The following ABHD11 variants were observed in gnomAD, a reference collection of about 807,000 sequenced individuals.
ABHD11 encodes sn-1-specific diacylglycerol lipase ABHD11.
A neutral mutation model predicts 29.0 loss-of-function variants in ABHD11; 26 were observed. The observed-to-expected ratio is 0.90, with a 90% CI of 0.66 to 1.24. ABHD11 has a LOEUF of 1.24. ABHD11 is among the 50% of genes most tolerant of loss of function. ABHD11 has a pLI of 0.00. For missense variants in ABHD11, 381 were observed against 422.4 expected, an observed-to-expected ratio of 0.90 and a Z score of 0.86; for synonymous variants, 169 against 166.4, an observed-to-expected ratio of 1.02 and a Z score of -0.12.
intron 4 of ABHD11, 23 bp downstream of exon 4, chr7:73,737,198 C>A (rs372134625): frequency 4.0e-5 from 64 of 1,613,792 alleles, no homozygotes; most frequent in Non-Finnish European, 5.4e-5. Flanking sequence ...ACAATACCAT[C>A]CGGGGCACCT....
At position 73,738,728 on chromosome 7, in the gene ABHD11, G is replaced by C. The variant is rs781797597; in HGVS notation, c.43C>G (p.Leu15Val). ...TRAWRLPREG[L>V]GPHGPSFARV... Reference sequence around the variant, plus strand: ...GCGAAGCTAGGGCCGTGGGGGCCGAGTCCCTCACGCGGGAGCCTCCAGGCT... The same window carrying C: ...GCGAAGCTAGGGCCGTGGGGGCCGACTCCCTCACGCGGGAGCCTCCAGGCT... The change falls in exon 1 of 6, where the codon CTC becomes GTC. Residue 15 changes from leucine to valine, a missense_variant. Coordinates refer to ENST00000222800, the MANE Select transcript of ABHD11 (RefSeq NM_148912.4). 8.1e-6 allele frequency: 13 copies of C among 1,609,498 alleles called. No homozygotes were observed. In the South Asian group the frequency reaches 1.3e-4, roughly 16 times the overall value.
chr7:73,738,801 A>G lies in ABHD11; in HGVS notation c.-31T>C, dbSNP rs1800278452. 6.3e-6 allele frequency: 10 copies of G among 1,581,618 alleles called. No individual in the cohort carries two copies. Among genetic ancestry groups the G allele is most frequent in the Non-Finnish European group, 7.7e-6 (9 of 1,163,366 alleles). ...CAAGCTGTTGGCCGGCTCGCATCTC[A>G]CAAGGTACGTCCTCCCCGCGCTCCT... On this transcript the variant is annotated 5_prime_UTR_variant, in exon 1 of 6. Transcript: ENST00000222800.
chr7:73,738,299 A>G (rs1229873885), intron 2 of ABHD11, 29 bp downstream of exon 2: 2 of 496,562 alleles, frequency 4.0e-6, no homozygotes, highest in Admixed American at 2.8e-5. Flanking sequence ...GCCCAGCCCC[A>G]AAGGAGCCCC....
At chr7:73,738,512 A>T (rs1320244699) in intron 1 of ABHD11, 49 bp from the exon 2 acceptor site, 10 of 1,586,444 alleles carry the variant, frequency 6.3e-6, no homozygotes, top group Non-Finnish European at 8.6e-6. Context: ...GGAGACGGGG[A>T]AAGGGGTAGG....
Position 73,738,621 on chromosome 7 carries a change from C to T in ABHD11, c.125+25G>A, listed in dbSNP as rs543085440. The stretch of plus-strand genomic sequence containing the variant: ...CAGGAAAAGGAGGACAGAGGATGGC[C>T]TCCCGCCCGGTGCCCTTGACTGACC... On this transcript the variant is annotated intron_variant, in intron 1 of 5. Coordinates refer to ENST00000222800, the MANE Select transcript of ABHD11 (RefSeq NM_148912.4). 21 of 1,582,872 alleles carry T rather than the reference C, an allele frequency of 1.3e-5. No individual in the cohort carries two copies. In the East Asian group the frequency reaches 2.1e-4, roughly 16 times the overall value.
chr7:73,738,301 A>G, intron 2 of ABHD11, 27 bp downstream of exon 2: 2 of 1,596,058 alleles, frequency 1.3e-6, no homozygotes, highest in Non-Finnish European at 1.7e-6. Flanking sequence ...CCAGCCCCAA[A>G]GGAGCCCCGC....
Position 73,737,605 on chromosome 7 carries a change from T to C in ABHD11, c.392A>G (p.His131Arg). ...LGLVPCVVVG[H>R]SMGGKTAMLL... ...CATGGCTGTCTTTCCTCCCATGCTG[T>C]GGCCAACGACGACGCAGGGCACCAG... is the stretch of plus-strand genomic sequence containing the variant. The change falls in exon 3 of 6, where the codon CAC (histidine) becomes CGC (arginine). Residue 131 changes from histidine (H) to arginine (R), a missense_variant. Coordinates refer to ENST00000222800, the MANE Select transcript of ABHD11 (RefSeq NM_148912.4). The C allele has an allele frequency of 6.2e-7, 1 of 1,613,576 alleles. No homozygotes were observed. The highest frequency in any genetic ancestry group is 8.5e-7 in the Non-Finnish European group (1 of 1,179,750).
At position 73,736,574 on chromosome 7, in the gene ABHD11, T is replaced by A; in HGVS notation, c.906A>T (p.Arg302=). 1 of 1,613,892 alleles carries A rather than the reference T, an allele frequency of 6.2e-7. No individual in the cohort carries two copies. Among genetic ancestry groups the A allele is most frequent in the Non-Finnish European group, 8.5e-7 (1 of 1,180,010 alleles). Residue 302 remains arginine (R), a synonymous_variant, in exon 6 of 6, where the codon CGA becomes CGT. Transcript: ENST00000222800. ...DRPQDFIAAI[R]GFLV ...CCAGCAACTCTTAGACCAGGAAGCCTCGGATGGCAGCTATGAAGTCCTGTG... is the reference window on the plus strand; with the variant it reads ...CCAGCAACTCTTAGACCAGGAAGCCACGGATGGCAGCTATGAAGTCCTGTG...
At position 73,737,247 on chromosome 7, in the gene ABHD11, C is replaced by T. The variant is rs935065963; in HGVS notation, c.580G>A (p.Asp194Asn). 3 of 1,614,034 alleles carry T rather than the reference C, an allele frequency of 1.9e-6. No homozygotes were observed. Among genetic ancestry groups the T allele is most frequent in the African/African-American group, 1.3e-5 (1 of 74,930 alleles). ...LPRSRARKLA[D>N]EQLSSVIQDM... The stretch of plus-strand genomic sequence containing the variant: ...TGGATGACAGAACTGAGCTGTTCAT[C>T]CGCCAGTTTTCGGGCACGGGAGCGG... The change falls in exon 4 of 6, where the codon GAT (aspartate) becomes AAT (asparagine). Residue 194 changes from aspartate to asparagine, a missense_variant. Transcript: ENST00000222800.
At chr7:73,737,870 C>T (rs150951345) in intron 2 of ABHD11, 135 bp from the exon 3 acceptor site, 191 of 1,351,934 alleles carry the variant, frequency 1.4e-4, no homozygotes, top group Non-Finnish European at 1.8e-4. Context: ...GGCCCAGTTT[C>T]CAGACCTAGG....
intron 2 of ABHD11, 133 bp downstream of exon 2, chr7:73,738,195 G>C (rs561647654): frequency 7.3e-7 from 1 of 1,373,098 alleles, no homozygotes; most frequent in African/African-American, 1.4e-5. Context: ...TGGGGTTGCC[G>C]TTCAGGGTCC....
At position 73,737,647 on chromosome 7, in the gene ABHD11, A is replaced by G; in HGVS notation, c.350T>C (p.Leu117Pro). ...YEIMSQDLQD[L>P]LPQLGLVPCV... ...GGGCACCAGGCCCAGCTGGGGCAGA[A>G]GGTCCTGCAGGTCCTGGCTCATGAT... is the stretch of plus-strand genomic sequence containing the variant. The change falls in exon 3 of 6, where the codon CTT (leucine) becomes CCT (proline). Residue 117 changes from leucine (L) to proline (P), a missense_variant. Transcript: ENST00000222800. 6.2e-7 allele frequency: 1 copy of G among 1,613,694 alleles called. No individual in the cohort carries two copies. The highest frequency in any genetic ancestry group is 8.5e-7 in the Non-Finnish European group (1 of 1,179,958).
At chr7:73,738,569 G>C (rs1013912825) in intron 1 of ABHD11, 77 bp downstream of exon 1, 54 of 1,564,576 alleles carry the variant, frequency 3.5e-5, no homozygotes, top group Non-Finnish European at 8.7e-7. Flanking sequence ...AGGCCCAAAG[G>C]GAGGAGATGG....
Position 73,736,144 on chromosome 7 carries a change from T to C in ABHD11, c.*415A>G. 1 of 457,438 alleles carries C rather than the reference T, an allele frequency of 2.2e-6. No homozygotes were observed. The highest frequency in any genetic ancestry group is 4.4e-6 in the Non-Finnish European group (1 of 227,436). 28.3% of individuals were successfully genotyped at this position (457,438 alleles called of 1,614,324 possible). A position where few individuals can be genotyped will look rare whatever the true frequency, so the allele number is the denominator to read the frequency against. On this transcript the variant is annotated 3_prime_UTR_variant, in exon 6 of 6. Coordinates refer to ENST00000222800, the MANE Select transcript of ABHD11 (RefSeq NM_148912.4). ...AAAGCCTGAGGTCTGACCACCCCTG[T>C]AAAACCTCGTGCCCACACAGTGCCT... is the stretch of plus-strand genomic sequence containing the variant.
chr7:73,738,405 A>C lies in ABHD11; in HGVS notation c.184T>G (p.Phe62Val), dbSNP rs1800181663. 4 of 1,612,544 alleles carry C rather than the reference A, an allele frequency of 2.5e-6. No individual in the cohort carries two copies. Among genetic ancestry groups the C allele is most frequent in the Admixed American group, 1.7e-5 (1 of 59,728 alleles). ...DGEAALPAVV[F>V]LHGLFGSKTN... ...TTGCTGCCGAAGAGCCCGTGCAAAA[A>C]GACGACGGCCGGGAGGGCTGCCTCC... Residue 62 changes from phenylalanine (F) to valine (V), a missense_variant, in exon 2 of 6, where the codon TTT (phenylalanine) becomes GTT (valine). Coordinates refer to ENST00000222800, the MANE Select transcript of ABHD11 (RefSeq NM_148912.4).
At chr7:73,737,891 G>A (rs1377705608) in intron 2 of ABHD11, 156 bp from the exon 3 acceptor site, 11 of 1,154,574 alleles carry the variant, frequency 9.5e-6, no homozygotes, top group Non-Finnish European at 3.7e-6. Context: ...AGGCCCAGAT[G>A]AAGAACCTGG....
At position 73,737,364 on chromosome 7, in the gene ABHD11, C is replaced by T. The variant is rs1237295716; in HGVS notation, c.463G>A (p.Val155Ile). 6 of 1,613,646 alleles carry T rather than the reference C, an allele frequency of 3.7e-6. No homozygotes were observed. The highest frequency in any genetic ancestry group is 5.1e-6 in the Non-Finnish European group (6 of 1,179,864). Residue 155 changes from valine to isoleucine, a missense_variant, in exon 4 of 6, where the codon GTA (valine) becomes ATA (isoleucine). Transcript: ENST00000222800. ...RPELVERLIA[V>I]DISPVESTGV... ...GTGCTTTCCACTGGGCTGATATCTA[C>T]AGCAATGAGACGTTCCACCAGCTCT...
At position 73,736,231 on chromosome 7, in the gene ABHD11, G is replaced by C. The variant is rs782369226; in HGVS notation, c.*328C>G. The C allele has an allele frequency of 4.2e-6, 2 of 471,268 alleles. No homozygotes were observed. Among genetic ancestry groups the C allele is most frequent in the South Asian group, 3.1e-5 (2 of 64,682 alleles). 29.2% of individuals were successfully genotyped at this position (471,268 alleles called of 1,614,324 possible). A position where few individuals can be genotyped will look rare whatever the true frequency, so the allele number is the denominator to read the frequency against. Reference sequence around the variant, plus strand: ...GCAGAGACTTGAAGCCTGGGGTTTTGTGCCTCCTTTTTGTTTTGTTTTTTT... The same window carrying C: ...GCAGAGACTTGAAGCCTGGGGTTTTCTGCCTCCTTTTTGTTTTGTTTTTTT... On this transcript the variant is annotated 3_prime_UTR_variant, in exon 6 of 6. Transcript: ENST00000222800.
chr7:73,737,085 A>G lies in ABHD11; in HGVS notation c.632T>C (p.Leu211Pro). ...CCCGTCTACCTCTACCAGGTTAGTGAGCAGGTGCTGCCGCACGGCCATGTC... is the reference window on the plus strand; with the variant it reads ...CCCGTCTACCTCTACCAGGTTAGTGGGCAGGTGCTGCCGCACGGCCATGTC... ...IQDMAVRQHL[L>P]TNLVEVDGRF... The change falls in exon 5 of 6, where the codon CTC becomes CCC. Residue 211 changes from leucine to proline, a missense_variant. Leu to Pro is a moderately conservative substitution (Grantham distance 98). Coordinates refer to ENST00000222800, the MANE Select transcript of ABHD11 (RefSeq NM_148912.4). The G allele has an allele frequency of 1.2e-6, 2 of 1,614,036 alleles. No individual in the cohort carries two copies. The highest frequency in any genetic ancestry group is 1.7e-6 in the Non-Finnish European group (2 of 1,180,046).
Sources: allele counts gnomAD v4.1 joint callset, GRCh38; gene constraint gnomAD v4.1.1; transcripts MANE v1.5; gene names NCBI Gene and HGNC (gene_info 2026-07-23, HGNC 2026-07-21).